The following TMEM132B variants were observed in gnomAD, a reference collection of about 807,000 sequenced individuals.
TMEM132B encodes transmembrane protein 132B.
In TMEM132B, 18 loss-of-function variants were observed where a neutral mutation model predicts 90.8. The ratio of observed to expected loss-of-function variants is 0.20; its 90% CI spans 0.14 to 0.29. The LOEUF is 0.29. TMEM132B is among the 10% of genes least tolerant of loss of function. The pLI is 1.00. For missense variants in TMEM132B, 1,096 were observed against 1,326.8 expected (o/e 0.83, Z 2.70); for synonymous variants, 504 against 523.3 (o/e 0.96, Z 0.50).
chr12:125,538,268 A>C (rs182811919), intron 4 of TMEM132B, among the ~76,000 whole-genome samples: 2 of 152,364 alleles, frequency 1.3e-5, no homozygotes, highest in East Asian at 3.9e-4. Context: ...GAACTGACCT[A>C]AGAATTCACA....
At chr12:125,508,423 G>A (rs540288648) in intron 3 of TMEM132B, among the ~76,000 whole-genome samples, 14 of 152,304 alleles carry the variant, frequency 9.2e-5, no homozygotes, top group African/African-American at 3.1e-4. Context: ...CAGCAGGGAA[G>A]ACACCAGGTC....
intron 1 of TMEM132B, among the ~76,000 whole-genome samples, chr12:125,292,812 G>T (rs979362698): frequency 3.9e-5 from 6 of 152,184 alleles, no homozygotes; most frequent in African/African-American, 1.4e-4. Context: ...AATCTCACTG[G>T]ATTTCCTTGG....
At chr12:125,298,836 C>A (rs1184708397) in intron 1 of TMEM132B, among the ~76,000 whole-genome samples, 3 of 151,138 alleles carry the variant, frequency 2.0e-5, no homozygotes, top group Non-Finnish European at 4.4e-5. Flanking sequence ...TGGGTTCATG[C>A]CATTCTCCTG....
intron 5 of TMEM132B, among the ~76,000 whole-genome samples, chr12:125,622,954 C>T (rs917723923): frequency 1.3e-5 from 2 of 152,156 alleles, no homozygotes; most frequent in African/African-American, 2.4e-5. Context: ...TGAGAATATG[C>T]TTATTCTGCC....
intron 1 of TMEM132B, among the ~76,000 whole-genome samples, chr12:125,304,843 A>T (rs528671065): frequency 2.7e-5 from 4 of 147,700 alleles, no homozygotes; most frequent in Non-Finnish European, 4.5e-5. Context: ...CCCCATTTCT[A>T]AAAAAAAAAA....
intron 4 of TMEM132B, among the ~76,000 whole-genome samples, chr12:125,551,940 ACAG>A (rs1400888709): frequency 6.6e-6 from 1 of 152,174 alleles, no homozygotes; most frequent in Non-Finnish European, 1.5e-5. Flanking sequence ...TAGGCTGAGG[ACAG>A]TCTCTTCTGC....
At chr12:125,273,220 T>A (rs763704516) in intron 1 of TMEM132B, among the ~76,000 whole-genome samples, 5 of 152,194 alleles carry the variant, frequency 3.3e-5, no homozygotes, top group African/African-American at 4.8e-5. Flanking sequence ...CTTGAATAGA[T>A]ACAAAATCAT....
At chr12:125,302,673 A>G (rs146447774) in intron 1 of TMEM132B, among the ~76,000 whole-genome samples, 246 of 152,322 alleles carry the variant, frequency 1.6e-3, no homozygotes, top group Non-Finnish European at 2.9e-3. Flanking sequence ...TTATTTTTGT[A>G]ATATACATAA....
intron 1 of TMEM132B, among the ~76,000 whole-genome samples, chr12:125,312,596 C>T (rs1274690001): frequency 6.6e-6 from 1 of 152,246 alleles, no homozygotes; most frequent in East Asian, 1.9e-4. Flanking sequence ...AAGTTGGCCT[C>T]TGCTTCTGGA....
chr12:125,539,058 A>G (rs1366567293), intron 4 of TMEM132B, among the ~76,000 whole-genome samples: 2 of 152,024 alleles, frequency 1.3e-5, no homozygotes, highest in African/African-American at 4.8e-5. Context: ...CTCCCGTGTC[A>G]TTGTCATCTA....
At chr12:125,615,454 C>T (rs1407484873) in intron 5 of TMEM132B, among the ~76,000 whole-genome samples, 2 of 152,056 alleles carry the variant, frequency 1.3e-5, no homozygotes, top group Non-Finnish European at 2.9e-5. Context: ...TCAGTCTATC[C>T]TCAGTCTTGC....
intron 4 of TMEM132B, among the ~76,000 whole-genome samples, chr12:125,578,971 G>T (rs1884993633): frequency 6.6e-6 from 1 of 152,144 alleles, no homozygotes. Context: ...TGGACGTGCA[G>T]ATTAATGTTT....
chr12:125,626,962 T>C (rs1283792320), intron 5 of TMEM132B, among the ~76,000 whole-genome samples: 2 of 152,186 alleles, frequency 1.3e-5, no homozygotes, highest in Non-Finnish European at 2.9e-5. Flanking sequence ...TCACAGCTCT[T>C]GGATGCCCTT....
chr12:125,551,718 C>T (rs1040401468), intron 4 of TMEM132B, among the ~76,000 whole-genome samples: 5 of 151,938 alleles, frequency 3.3e-5, no homozygotes, highest in African/African-American at 1.2e-4. Flanking sequence ...CTTGGAACAA[C>T]AGTCTTTTAT....
chr12:125,536,575 A>C (rs1431106041), intron 4 of TMEM132B, among the ~76,000 whole-genome samples: 1 of 152,236 alleles, frequency 6.6e-6, no homozygotes, highest in Non-Finnish European at 1.5e-5. Context: ...GGATTAAACA[A>C]GTTAATATAA....
At chr12:125,300,669 C>T (rs544245482) in intron 1 of TMEM132B, among the ~76,000 whole-genome samples, 2 of 152,312 alleles carry the variant, frequency 1.3e-5, no homozygotes, top group South Asian at 2.1e-4. Context: ...CATAGCAACT[C>T]CATGAGGTAG....
intron 3 of TMEM132B, among the ~76,000 whole-genome samples, chr12:125,451,644 T>A (rs898707276): frequency 2.0e-5 from 3 of 148,200 alleles, no homozygotes; most frequent in Non-Finnish European, 4.5e-5. Context: ...TTTTTTTTTT[T>A]ACTATTCATG....
intron 4 of TMEM132B, among the ~76,000 whole-genome samples, chr12:125,578,288 T>G (rs1884979960): frequency 6.6e-6 from 1 of 152,158 alleles, no homozygotes; most frequent in Non-Finnish European, 1.5e-5. Flanking sequence ...GATTTGTTGT[T>G]AGGTGCATCT....
chr12:125,210,165 G>A (rs1031461811), intron 1 of TMEM132B, among the ~76,000 whole-genome samples: 3 of 152,182 alleles, frequency 2.0e-5, no homozygotes, highest in Non-Finnish European at 4.4e-5. Flanking sequence ...CAAGAAGTGA[G>A]GTTGGGTGTG....
Sources: allele counts gnomAD v4.1 joint callset (sites outside exome capture counted in the v4.1 genomes callset), GRCh38; gene constraint gnomAD v4.1.1; transcripts MANE v1.5; gene names NCBI Gene and HGNC (gene_info 2026-07-23, HGNC 2026-07-21).